Variants in PDE3A observed in about 807,000 individuals in gnomAD.
The protein encoded by PDE3A is cGMP-inhibited 3',5'-cyclic phosphodiesterase 3A.
Under a neutral mutation model 98.3 loss-of-function variants are expected in PDE3A, and 43 were observed. That is an observed-to-expected ratio of 0.44 (90% CI 0.34 to 0.56). PDE3A has a LOEUF of 0.56. Ranked by LOEUF, PDE3A falls within the 20% of genes least tolerant of loss-of-function variation. PDE3A has a pLI of 0.01. For synonymous variants in PDE3A, 663 were observed against 567.9 expected (o/e 1.17, Z -2.38); for missense variants, 1,427 against 1,440.7 (o/e 0.99, Z 0.15).
intron 15 of PDE3A, among the ~76,000 whole-genome samples, chr12:20,678,455 T>A (rs530553444): frequency 6.6e-6 from 1 of 152,306 alleles, no homozygotes; most frequent in East Asian, 1.9e-4. Flanking sequence ...ACAAGTTTCT[T>A]AAAGGAGGTA....
intron 1 of PDE3A, among the ~76,000 whole-genome samples, chr12:20,403,329 G>C (rs577262610): frequency 3.4e-4 from 52 of 152,272 alleles, no homozygotes; most frequent in African/African-American, 1.2e-3. Context: ...TTAGCTGTCC[G>C]GTGTGGTGTG....
chr12:20,375,715 C>T (rs926494493), intron 1 of PDE3A, among the ~76,000 whole-genome samples: 1 of 151,832 alleles, frequency 6.6e-6, no homozygotes, highest in Non-Finnish European at 1.5e-5. Context: ...ATAGATGTGA[C>T]ACAGCATTTG....
At chr12:20,434,230 T>C (rs1944744534) in intron 1 of PDE3A, among the ~76,000 whole-genome samples, 1 of 152,076 alleles carries the variant, frequency 6.6e-6, no homozygotes, top group African/African-American at 2.4e-5. Flanking sequence ...CTGCTGCCTG[T>C]TTTTGCTCAT....
intron 1 of PDE3A, among the ~76,000 whole-genome samples, chr12:20,491,753 C>T (rs1418227483): frequency 6.6e-6 from 1 of 152,122 alleles, no homozygotes; most frequent in African/African-American, 2.4e-5. Context: ...TTAAGATTGT[C>T]AAGTAATATT....
At chr12:20,573,616 T>C (rs1469318890) in intron 2 of PDE3A, among the ~76,000 whole-genome samples, 2 of 152,096 alleles carry the variant, frequency 1.3e-5, no homozygotes, top group Non-Finnish European at 2.9e-5. Flanking sequence ...TCTTCTGTGC[T>C]ATATTCCCTT....
intron 1 of PDE3A, among the ~76,000 whole-genome samples, chr12:20,431,699 A>G (rs1944702286): frequency 6.6e-6 from 1 of 152,134 alleles, no homozygotes; most frequent in Non-Finnish European, 1.5e-5. Flanking sequence ...TAGTATGTCT[A>G]AATTTTTCAT....
intron 2 of PDE3A, among the ~76,000 whole-genome samples, chr12:20,607,284 C>T (rs1943733299): frequency 6.6e-6 from 1 of 151,470 alleles, no homozygotes; most frequent in Non-Finnish European, 1.5e-5. Flanking sequence ...ACCAAAAATA[C>T]AAAAAAATTA....
At position 20,613,506 on chromosome 12, in the gene PDE3A, G is replaced by C. The variant is rs1319145342; in HGVS notation, c.1075G>C (p.Asp359His). The C allele has an allele frequency of 6.2e-7, 1 of 1,614,052 alleles. No individual in the cohort carries two copies. The highest frequency in any genetic ancestry group is 1.7e-5 in the Admixed American group (1 of 60,018). The change falls in exon 3 of 16, where the codon GAC becomes CAC. Residue 359 changes from aspartate (D) to histidine (H), a missense_variant. By Grantham distance (81) the Asp-to-His change is moderately conservative. Around this residue, in one of 3 missense-constraint regions of PDE3A, gnomAD observed 1,012 missense variants for 886.5 expected, o/e 1.14. Coordinates refer to ENST00000359062, the MANE Select transcript of PDE3A (RefSeq NM_000921.5). The stretch of plus-strand genomic sequence containing the variant: ...GGGCGAGGCCCACGGCCTCATTACC[G>C]ACCTCCTGGCAGACCCTTCTCTTCC... ...VMGEAHGLIT[D>H]LLADPSLPPN...
intron 15 of PDE3A, among the ~76,000 whole-genome samples, chr12:20,679,655 A>G (rs1488199319): frequency 1.3e-5 from 2 of 152,076 alleles, no homozygotes; most frequent in African/African-American, 4.8e-5. Context: ...ACAGAGACAG[A>G]CTAACAAGAA....
intron 6 of PDE3A, among the ~76,000 whole-genome samples, chr12:20,630,742 A>T (rs1209297504): frequency 2.6e-5 from 4 of 152,204 alleles, no homozygotes; most frequent in Non-Finnish European, 5.9e-5. Context: ...TGTTGTCACG[A>T]AGAAATAATT....
At chr12:20,669,825 A>C (rs1430669466) in intron 15 of PDE3A, among the ~76,000 whole-genome samples, 5 of 152,128 alleles carry the variant, frequency 3.3e-5, no homozygotes, top group Non-Finnish European at 7.3e-5. Flanking sequence ...CATCATAATG[A>C]CAGGATCAAA....
At chr12:20,545,849 G>A (rs188896830) in intron 1 of PDE3A, among the ~76,000 whole-genome samples, 3 of 151,660 alleles carry the variant, frequency 2.0e-5, no homozygotes, top group Admixed American at 6.6e-5. Flanking sequence ...GAGAGATATC[G>A]AATGGATATT....
intron 1 of PDE3A, among the ~76,000 whole-genome samples, chr12:20,428,814 T>G (rs2120790507): frequency 6.6e-6 from 1 of 152,328 alleles, no homozygotes; most frequent in African/African-American, 2.4e-5. Context: ...TATAAATGCG[T>G]ACCACTATGA....
intron 1 of PDE3A, among the ~76,000 whole-genome samples, chr12:20,470,869 C>T (rs972539887): frequency 6.8e-6 from 1 of 147,994 alleles, no homozygotes; most frequent in African/African-American, 2.5e-5. Flanking sequence ...TAGATGAGGT[C>T]GAGAGAGTGG....
chr12:20,579,092 A>G (rs561058776), intron 2 of PDE3A, among the ~76,000 whole-genome samples: 1 of 152,212 alleles, frequency 6.6e-6, no homozygotes, highest in Non-Finnish European at 1.5e-5. Context: ...ATAATTTCAG[A>G]CTGTCAGGCT....
Position 20,686,897 on chromosome 12 carries a change from G to C in PDE3A, c.*6626G>C, listed in dbSNP as rs1303734071. The stretch of plus-strand genomic sequence containing the variant: ...AGTGAACACTACATAAAATTTGCAG[G>C]GTATCCCAGGACACCCCTCAGTCTT... On this transcript the variant is annotated 3_prime_UTR_variant, in exon 16 of 16. Coordinates refer to ENST00000359062, the MANE Select transcript of PDE3A (RefSeq NM_000921.5). 6.6e-6 allele frequency among the ~76,000 whole-genome samples: 1 copy of C among 151,946 alleles called. No individual in the cohort carries two copies. The highest frequency in any genetic ancestry group is 6.6e-5 in the Admixed American group (1 of 15,246).
intron 1 of PDE3A, among the ~76,000 whole-genome samples, chr12:20,452,639 A>G (rs10841537): frequency 0.27 from 40,330 of 152,034 alleles, 5,639 homozygotes; most frequent in Admixed American, 0.35. Flanking sequence ...GATCAGAGAA[A>G]CTTTTTTCCA....
chr12:20,516,208 A>G (rs968571269), intron 1 of PDE3A, among the ~76,000 whole-genome samples: 23 of 152,130 alleles, frequency 1.5e-4, no homozygotes, highest in Non-Finnish European at 3.2e-4. Context: ...ACTCATTCAA[A>G]AAGGGATGGA....
chr12:20,370,004 G>A lies in PDE3A; in HGVS notation c.720G>A (p.Leu240=). 1 of 1,613,042 alleles carries A rather than the reference G, an allele frequency of 6.2e-7. No individual in the cohort carries two copies. The highest frequency in any genetic ancestry group is 8.5e-7 in the Non-Finnish European group (1 of 1,179,970). Reference sequence around the variant, plus strand: ...TCAAGGTCGCCTGGAGACCTTACCTGGCGTACCTGGCCGGCGTGCTGGGGA... The same window carrying A: ...TCAAGGTCGCCTGGAGACCTTACCTAGCGTACCTGGCCGGCGTGCTGGGGA... The part of the protein sequence containing the change: ...ERFKVAWRPY[L]AYLAGVLGIL... Residue 240 remains leucine (L), a synonymous_variant, in exon 1 of 16, where the codon CTG becomes CTA. Transcript: ENST00000359062.
Sources: allele counts gnomAD v4.1 joint callset (sites outside exome capture counted in the v4.1 genomes callset), GRCh38; gene constraint gnomAD v4.1.1; regional missense constraint gnomAD v4.1.1; transcripts MANE v1.5; gene names NCBI Gene and HGNC (gene_info 2026-07-23, HGNC 2026-07-21).